HCN1: variants seen among roughly 807,000 people sequenced by gnomAD.
The protein encoded by HCN1 is hyperpolarization activated cyclic nucleotide gated potassium channel 1, also known as potassium/sodium hyperpolarization-activated cyclic nucleotide-gated channel 1.
In HCN1, 13 loss-of-function variants were observed where a neutral mutation model predicts 78.9. The ratio of observed to expected loss-of-function variants is 0.16; its 90% CI spans 0.11 to 0.26. HCN1 has a LOEUF of 0.26. Among genes scored for constraint, HCN1 ranks in the 10% least tolerant of loss-of-function variants. The pLI is 1.00. For missense variants in HCN1, 810 were observed against 1,154.3 expected (o/e 0.70, Z 4.32); for synonymous variants, 552 against 455.5 (o/e 1.21, Z -2.70).
At chr5:45,344,273 A>ACATGT (rs1554019275) in intron 5 of HCN1, among the ~76,000 whole-genome samples, 1 of 152,102 alleles carries the variant, frequency 6.6e-6, no homozygotes, top group Non-Finnish European at 1.5e-5. Flanking sequence ...ACCTCCCATG[A>ACATGT]CATGTAGGGA....
chr5:45,569,435 GAC>G (rs1743780416), intron 2 of HCN1, among the ~76,000 whole-genome samples: 1 of 152,080 alleles, frequency 6.6e-6, no homozygotes, highest in African/African-American at 2.4e-5. Flanking sequence ...TCAGAAATAA[GAC>G]AGTTACATAT....
At chr5:45,333,319 A>AT (rs1211416744) in intron 5 of HCN1, among the ~76,000 whole-genome samples, 3 of 151,590 alleles carry the variant, frequency 2.0e-5, no homozygotes, top group Admixed American at 6.6e-5. Flanking sequence ...TCTTTTGAGT[A>AT]TTTTTTATTT....
rs558663449 is a variant in HCN1 at position 45,395,104 on chromosome 5, C to T, written c.1230+1388G>A. On this transcript the variant is annotated intron_variant, in intron 4 of 7. Transcript: ENST00000303230. ...CAATAAAATGCTAATCACTGCAATCCTGGAAGTTAAACATTTGTTTTCTTA... is the reference window on the plus strand; with the variant it reads ...CAATAAAATGCTAATCACTGCAATCTTGGAAGTTAAACATTTGTTTTCTTA... Among the ~76,000 whole-genome samples the T allele has an allele frequency of 1.6e-4, 25 of 151,918 alleles. 1 individual carries two copies. The highest frequency in any genetic ancestry group is 6.0e-4 in the African/African-American group (25 of 41,424).
intron 2 of HCN1, among the ~76,000 whole-genome samples, chr5:45,493,983 C>A (rs1250852852): frequency 2.0e-5 from 3 of 152,168 alleles, no homozygotes; most frequent in Admixed American, 6.5e-5. Context: ...TTCACATTTT[C>A]TTAATCCAGT....
intron 6 of HCN1, among the ~76,000 whole-genome samples, chr5:45,297,200 T>A (rs1340772046): frequency 6.6e-6 from 1 of 152,120 alleles, no homozygotes; most frequent in African/African-American, 2.4e-5. Context: ...ATTAAAGGAA[T>A]ACGTTGGGCT....
intron 2 of HCN1, among the ~76,000 whole-genome samples, chr5:45,563,805 C>G (rs1323956110): frequency 6.6e-6 from 1 of 152,006 alleles, no homozygotes; most frequent in Non-Finnish European, 1.5e-5. Flanking sequence ...TCTAATTCAC[C>G]CAATAACCCT....
chr5:45,598,104 C>A (rs1373457858), intron 2 of HCN1, among the ~76,000 whole-genome samples: 1 of 152,122 alleles, frequency 6.6e-6, no homozygotes, highest in Admixed American at 6.6e-5. Context: ...GCCTGCATTG[C>A]CAAGACAATC....
intron 1 of HCN1, among the ~76,000 whole-genome samples, chr5:45,659,080 G>T (rs1745858097): frequency 6.6e-6 from 1 of 152,190 alleles, no homozygotes; most frequent in Non-Finnish European, 1.5e-5. Context: ...GAGACCAGTG[G>T]TTCTCCCAGC....
intron 4 of HCN1, among the ~76,000 whole-genome samples, chr5:45,375,896 T>G (rs1196012906): frequency 1.6e-5 from 2 of 123,118 alleles, no homozygotes; most frequent in African/African-American, 6.5e-5. Context: ...ATATTATATA[T>G]GATATAATAT....
chr5:45,508,447 T>C (rs560450045), intron 2 of HCN1, among the ~76,000 whole-genome samples: 16 of 152,230 alleles, frequency 1.1e-4, no homozygotes, highest in Admixed American at 9.8e-4. Flanking sequence ...CTGTTTATAA[T>C]TAAAGCTCAT....
At position 45,597,405 on chromosome 5, in the gene HCN1, G is replaced by C. The variant is rs1281303381; in HGVS notation, c.849+47780C>G. 3.3e-5 allele frequency among the ~76,000 whole-genome samples: 5 copies of C among 152,160 alleles called. No homozygotes were observed. In the East Asian group the frequency reaches 7.7e-4, roughly 23 times the overall value. On this transcript the variant is annotated intron_variant, in intron 2 of 7. Coordinates refer to ENST00000303230, the MANE Select transcript of HCN1 (RefSeq NM_021072.4). ...AAAAACTCTCAATAAACTAGGTATTGATAGAACATATCTCAAATTAATAAG... is the reference window on the plus strand; with the variant it reads ...AAAAACTCTCAATAAACTAGGTATTCATAGAACATATCTCAAATTAATAAG...
chr5:45,680,915 A>G (rs1005432179), intron 1 of HCN1, among the ~76,000 whole-genome samples: 1 of 151,996 alleles, frequency 6.6e-6, no homozygotes. Context: ...ACCCTTTTTG[A>G]AGCTTATCTT....
chr5:45,695,893 A>ACCGCCG lies in HCN1; in HGVS notation c.195_200dup (p.Gly73_Gly74dup), dbSNP rs1193693102. On this transcript the variant is annotated inframe_insertion, in exon 1 of 8. Transcript: ENST00000303230. ...CCTCGCCGCCGCCGCCGCCGCCGCC[A>ACCGCCG]CCGCCGCCACCGCCGTCCACCTTGA... 6 of 1,444,720 alleles carry ACCGCCG rather than the reference A, an allele frequency of 4.2e-6. No homozygotes were observed. In the African/African-American group the frequency reaches 4.9e-5, roughly 12 times the overall value. The allele number at this position is 1,444,720 out of a possible 1,614,324, so 89.5% of individuals were successfully genotyped here. A position where few individuals can be genotyped will look rare whatever the true frequency, so the allele number is the denominator to read the frequency against.
intron 3 of HCN1, among the ~76,000 whole-genome samples, chr5:45,434,459 A>C (rs1488964821): frequency 6.6e-6 from 1 of 152,222 alleles, no homozygotes; most frequent in African/African-American, 2.4e-5. Flanking sequence ...ATCAAGATGG[A>C]TGGTGGAACT....
At position 45,645,402 on chromosome 5, in the gene HCN1, T is replaced by A; in HGVS notation, c.632A>T (p.Lys211Ile). The A allele has an allele frequency of 6.2e-7, 1 of 1,613,546 alleles. No individual in the cohort carries two copies. The highest frequency in any genetic ancestry group is 2.2e-5 in the East Asian group (1 of 44,848). The change falls in exon 2 of 8, where the codon AAA (lysine) becomes ATA (isoleucine). Residue 211 changes from lysine to isoleucine, a missense_variant. By Grantham distance (102) the Lys-to-Ile change is moderately radical. Transcript: ENST00000303230. ...TTTTAAATAATTCATCTTGATCACT[T>A]TGGGGTCCAGGATGATTTCAGAACT... ...EDSSEIILDP[K>I]VIKMNYLKSW...
intron 5 of HCN1, among the ~76,000 whole-genome samples, chr5:45,316,152 C>T (rs985353186): frequency 6.6e-6 from 1 of 152,050 alleles, no homozygotes; most frequent in Non-Finnish European, 1.5e-5. Context: ...AACATCGATG[C>T]AAAAATCTTC....
At chr5:45,481,460 C>T (rs1936517357) in intron 2 of HCN1, among the ~76,000 whole-genome samples, 1 of 152,086 alleles carries the variant, frequency 6.6e-6, no homozygotes, top group African/African-American at 2.4e-5. Context: ...AAGATAGGAT[C>T]AAACCTAAAA....
At chr5:45,488,249 T>C (rs1452407325) in intron 2 of HCN1, among the ~76,000 whole-genome samples, 1 of 152,118 alleles carries the variant, frequency 6.6e-6, no homozygotes, top group East Asian at 1.9e-4. Flanking sequence ...AATTAAAAAT[T>C]GATTTCATGA....
chr5:45,304,823 C>G (rs1745695824), intron 5 of HCN1, among the ~76,000 whole-genome samples: 1 of 152,048 alleles, frequency 6.6e-6, no homozygotes, highest in Non-Finnish European at 1.5e-5. Flanking sequence ...TTGTTTTATT[C>G]CAGGATCAGG....
Sources: gnomAD v4.1 joint callset for allele counts (sites outside exome capture counted in the v4.1 genomes callset) on GRCh38, gnomAD v4.1.1 for gene constraint, MANE v1.5 for transcripts, NCBI Gene and HGNC (gene_info 2026-07-23, HGNC 2026-07-21) for gene names.